Variants in FKBP5 observed in about 807,000 individuals in gnomAD.
FKBP5 encodes the protein peptidyl-prolyl cis-trans isomerase FKBP5.
A neutral mutation model predicts 50.5 loss-of-function variants in FKBP5; 23 were observed. That is an observed-to-expected ratio of 0.46 (90% CI 0.33 to 0.65). The LOEUF is 0.65. Ranked by LOEUF, FKBP5 falls within the 30% of genes least tolerant of loss-of-function variation. The pLI is 0.02. For missense variants in FKBP5, 411 were observed against 553.1 expected, an observed-to-expected ratio of 0.74 and a Z score of 2.58; for synonymous variants, 176 against 190.6, an observed-to-expected ratio of 0.92 and a Z score of 0.63.
intron 1 of FKBP5, among the ~76,000 whole-genome samples, chr6:35,672,797 G>T (rs555876171): frequency 9.1e-4 from 139 of 152,104 alleles, no homozygotes; most frequent in African/African-American, 3.3e-3. Flanking sequence ...TGGCGTAGTG[G>T]CAGGCGCCTG....
chr6:35,693,356 G>T (rs1041996983), upstream of FKBP5, among the ~76,000 whole-genome samples: 1 of 151,426 alleles, frequency 6.6e-6, no homozygotes, highest in Admixed American at 6.6e-5. Flanking sequence ...GTAGAGACGG[G>T]GTTTCACCAT....
chr6:35,689,202 C>CA, upstream of FKBP5, among the ~76,000 whole-genome samples: 1 of 152,326 alleles, frequency 6.6e-6, no homozygotes, highest in Non-Finnish European at 1.5e-5. Context: ...GACACCCCCT[C>CA]ACATCTCTTA....
At chr6:35,603,715 G>A (rs1448726320) in intron 5 of FKBP5, among the ~76,000 whole-genome samples, 1 of 151,566 alleles carries the variant, frequency 6.6e-6, no homozygotes, top group Non-Finnish European at 1.5e-5. Flanking sequence ...TTGAGACAGA[G>A]TCTCGTTCTG....
At position 35,640,078 on chromosome 6, in the gene FKBP5, C is replaced by A. The variant is rs575810507; in HGVS notation, c.105+2642G>T. 3.3e-5 allele frequency among the ~76,000 whole-genome samples: 5 copies of A among 152,224 alleles called. No homozygotes were observed. In the East Asian group the frequency reaches 7.7e-4, roughly 24 times the overall value. On this transcript the variant is annotated intron_variant, in intron 2 of 10. Coordinates refer to ENST00000357266, the MANE Select transcript of FKBP5 (RefSeq NM_004117.4). ...TAAGAAACAAAACAAAAGAAATGCA[C>A]GTGAAAATGATTAACTATAGAGTGA...
At chr6:35,584,407 T>C in intron 8 of FKBP5, 1 of 985,454 alleles carries the variant, frequency 1.0e-6, no homozygotes, top group Non-Finnish European at 1.2e-6. Flanking sequence ...AATATGCAGA[T>C]GGCATGAAAT....
intron 7 of FKBP5, 75 bp from the exon 8 acceptor site, chr6:35,587,192 C>A: frequency 1.5e-6 from 2 of 1,320,960 alleles, no homozygotes; most frequent in Non-Finnish European, 2.2e-6. Context: ...GAACAAAGAG[C>A]AGCTAATTCT....
At chr6:35,661,637 G>T (rs1765069232) in intron 1 of FKBP5, among the ~76,000 whole-genome samples, 1 of 80,272 alleles carries the variant, frequency 1.2e-5, no homozygotes, top group African/African-American at 3.9e-5. Flanking sequence ...CGGGTGTGGT[G>T]GCAAGTGCCT....
upstream of FKBP5, among the ~76,000 whole-genome samples, chr6:35,692,746 G>GCAC (rs1766012019): frequency 7.0e-6 from 1 of 143,448 alleles, no homozygotes; most frequent in Admixed American, 7.3e-5. Context: ...AGCCAAGATT[G>GCAC]CACCACTGCA....
chr6:35,716,045 C>T (rs750629511), intron 2 of FKBP5, among the ~76,000 whole-genome samples: 1 of 151,788 alleles, frequency 6.6e-6, no homozygotes, highest in Non-Finnish European at 1.5e-5. Flanking sequence ...TAGGGTGGCC[C>T]GAAAGTTTCT....
intron 3 of FKBP5, among the ~76,000 whole-genome samples, chr6:35,623,789 C>T (rs1375695495): frequency 6.6e-6 from 1 of 151,478 alleles, no homozygotes; most frequent in Non-Finnish European, 1.5e-5. Context: ...ACCATGTTGC[C>T]CAGGCTGGTC....
intron 1 of FKBP5, among the ~76,000 whole-genome samples, chr6:35,658,082 A>T (rs1008093684): frequency 1.3e-5 from 2 of 151,470 alleles, no homozygotes; most frequent in African/African-American, 4.8e-5. Flanking sequence ...AAAAAAAAAA[A>T]AATACAAAAA....
intron 3 of FKBP5, among the ~76,000 whole-genome samples, chr6:35,625,792 A>AT (rs914812619): frequency 5.5e-5 from 8 of 144,544 alleles, no homozygotes; most frequent in African/African-American, 2.0e-4. Flanking sequence ...TTATTTATTT[A>AT]TTTTTGAGAT....
rs143098189 is a variant in FKBP5, at chr6:35,594,961, G to A, written c.665+2287C>T. 2.8e-3 allele frequency among the ~76,000 whole-genome samples: 419 copies of A among 152,234 alleles called. 2 individuals are homozygous for A. Among genetic ancestry groups the A allele is most frequent in the Non-Finnish European group, 5.1e-3 (344 of 68,006 alleles). ...CAGGATTTCCTTTTTCTTGTGGTCCGAGGGTAAAATGGAAGAGAAGGTGAG... is the reference window on the plus strand; with the variant it reads ...CAGGATTTCCTTTTTCTTGTGGTCCAAGGGTAAAATGGAAGAGAAGGTGAG... On this transcript the variant is annotated intron_variant, in intron 6 of 10. Transcript: ENST00000357266.
At chr6:35,586,155 A>C in intron 8 of FKBP5, 1 of 984,928 alleles carries the variant, frequency 1.0e-6, no homozygotes, top group Non-Finnish European at 1.2e-6. Flanking sequence ...TGGAGAAGGC[A>C]TATATTTGGG....
chr6:35,586,079 A>G (rs887333498), intron 8 of FKBP5: 1 of 985,250 alleles, frequency 1.0e-6, no homozygotes, highest in Non-Finnish European at 1.2e-6. Flanking sequence ...GCAGAAAACG[A>G]AAGAAACCTT....
At chr6:35,586,052 A>C in intron 8 of FKBP5, 2 of 985,238 alleles carry the variant, frequency 2.0e-6, no homozygotes, top group Non-Finnish European at 2.4e-6. Flanking sequence ...AAAACATCTA[A>C]TTTCTGTATT....
chr6:35,628,422 T>C (rs1231162109), intron 3 of FKBP5, among the ~76,000 whole-genome samples: 1 of 152,204 alleles, frequency 6.6e-6, no homozygotes, highest in African/African-American at 2.4e-5. Flanking sequence ...GTAAATATTT[T>C]AACTGTAAAA....
intron 7 of FKBP5, among the ~76,000 whole-genome samples, chr6:35,589,130 T>TTTTTTTATATATATATATATATATATA (rs1762733700): frequency 1.8e-5 from 2 of 112,964 alleles, no homozygotes; most frequent in Non-Finnish European, 1.8e-5. Flanking sequence ...ATATATATAT[T>TTTTTTTATATATATATATATATATATA]TTTTTTTTTT....
At chr6:35,693,456 C>T (rs1175958315), upstream of FKBP5, among the ~76,000 whole-genome samples, 1 of 151,688 alleles carries the variant, frequency 6.6e-6, no homozygotes, top group East Asian at 1.9e-4. Context: ...AGCCACTGCG[C>T]CCGGCCAGTT....
Sources: allele counts gnomAD v4.1 joint callset (sites outside exome capture counted in the v4.1 genomes callset), GRCh38; gene constraint gnomAD v4.1.1; transcripts MANE v1.5; gene names NCBI Gene and HGNC (gene_info 2026-07-23, HGNC 2026-07-21).